The following RPTOR variants were observed in gnomAD, a reference collection of about 807,000 sequenced individuals.
RPTOR encodes regulatory-associated protein of mTOR.
In RPTOR, 21 loss-of-function variants were observed where a neutral mutation model predicts 169.9. That is an observed-to-expected ratio of 0.12 (90% confidence interval 0.09 to 0.18). The LOEUF is 0.18. Ranked by LOEUF, RPTOR falls within the 10% of genes least tolerant of loss-of-function variation. The pLI is 1.00. For synonymous variants in RPTOR, 732 were observed against 753.2 expected (o/e 0.97, Z 0.46); for missense variants, 1,133 against 1,855.9 (o/e 0.61, Z 7.16).
chr17:80,728,794 A>G (rs2066363241), intron 4 of RPTOR, among the ~76,000 whole-genome samples: 2 of 151,646 alleles, frequency 1.3e-5, no homozygotes, highest in African/African-American at 4.9e-5. Context: ...AATGGAAAAA[A>G]CCCAGAAGGT....
At chr17:80,602,338 A>C (rs1599592585) in intron 1 of RPTOR, among the ~76,000 whole-genome samples, 1 of 64,386 alleles carries the variant, frequency 1.6e-5, no homozygotes, top group Non-Finnish European at 3.1e-5. Flanking sequence ...GGCGCCCCTC[A>C]CCTCCCGGAC....
chr17:80,796,702 A>T (rs1164513397), intron 7 of RPTOR, among the ~76,000 whole-genome samples: 1 of 152,182 alleles, frequency 6.6e-6, no homozygotes, highest in Non-Finnish European at 1.5e-5. Flanking sequence ...AACTTCTTAA[A>T]GTGTGTGGAT....
Position 80,708,010 on chromosome 17 carries a change from C to A in RPTOR, c.507+11C>A. On this transcript the variant is annotated intron_variant, in intron 4 of 33. Coordinates refer to ENST00000306801, the MANE Select transcript of RPTOR (RefSeq NM_020761.3). This position sits in a 1 kb window ranked among gnomAD's most constrained non-coding sequence, Gnocchi z 4.2. ...TGGGTCTTCAACAAGGTGGGTGTGC[C>A]TTCCAGCTTCCTTCCCGTTTCTGCC... is the stretch of plus-strand genomic sequence containing the variant. 6.2e-7 allele frequency: 1 copy of A among 1,607,764 alleles called. No homozygotes were observed. The highest frequency in any genetic ancestry group is 2.2e-5 in the East Asian group (1 of 44,804).
chr17:80,672,414 T>A (rs2065828882), intron 3 of RPTOR, among the ~76,000 whole-genome samples: 1 of 150,856 alleles, frequency 6.6e-6, no homozygotes, highest in South Asian at 2.1e-4. Context: ...CCAAGATGGC[T>A]GCTCAAGCTC....
intron 3 of RPTOR, among the ~76,000 whole-genome samples, chr17:80,645,875 G>A (rs1377365105): frequency 6.6e-6 from 1 of 152,236 alleles, no homozygotes; most frequent in Non-Finnish European, 1.5e-5. Context: ...GAGCACAGGT[G>A]CAAAGGGGTG....
intron 1 of RPTOR, among the ~76,000 whole-genome samples, chr17:80,597,351 G>A (rs1054849623): frequency 2.6e-5 from 4 of 152,192 alleles, no homozygotes; most frequent in African/African-American, 9.7e-5. Flanking sequence ...CTGTGTGAGT[G>A]TCTGCATGGC....
At chr17:80,698,163 G>A (rs1417833943) in intron 3 of RPTOR, among the ~76,000 whole-genome samples, 7 of 152,164 alleles carry the variant, frequency 4.6e-5, no homozygotes, top group East Asian at 1.9e-4. Context: ...GGTGAGGAAC[G>A]GAGGCGACTG....
intron 6 of RPTOR, among the ~76,000 whole-genome samples, chr17:80,778,308 A>G (rs2066909914): frequency 6.6e-6 from 1 of 152,172 alleles, no homozygotes; most frequent in African/African-American, 2.4e-5. Flanking sequence ...GCTTCCCCTA[A>G]TCCTATGTTC....
chr17:80,962,292 C>G (rs529009558), intron 31 of RPTOR, among the ~76,000 whole-genome samples, 169 bp from the exon 32 acceptor site: 33 of 152,320 alleles, frequency 2.2e-4, no homozygotes, highest in Non-Finnish European at 3.8e-4. Flanking sequence ...TGTCTGGGCC[C>G]CACCTGGGCA....
chr17:80,778,217 C>A (rs2340772), intron 6 of RPTOR, among the ~76,000 whole-genome samples: 129,350 of 152,174 alleles, frequency 0.85, 55,536 homozygotes, highest in East Asian at 1. Context: ...TCTTGGGAGC[C>A]GCTGTTAGGA....
intron 21 of RPTOR, among the ~76,000 whole-genome samples, chr17:80,921,210 C>T (rs1180150296): frequency 6.6e-6 from 1 of 152,230 alleles, no homozygotes; most frequent in African/African-American, 2.4e-5. Flanking sequence ...CACGCGGATG[C>T]GGACCTGAAG....
At chr17:80,896,821 G>A (rs1429829820) in intron 20 of RPTOR, among the ~76,000 whole-genome samples, 2 of 152,232 alleles carry the variant, frequency 1.3e-5, no homozygotes, top group African/African-American at 4.8e-5. Flanking sequence ...CCTGAACAGG[G>A]TGTATCTTTC....
At chr17:80,883,570 G>C in intron 15 of RPTOR, 86 bp downstream of exon 15, 2 of 1,369,662 alleles carry the variant, frequency 1.5e-6, no homozygotes, top group Non-Finnish European at 2.1e-6. Context: ...GGTGCCACAT[G>C]GGGGACAGGG....
In RPTOR at chr17:80,964,607, T is replaced by C. The variant is rs2069401774; in HGVS notation, c.*277T>C. On this transcript the variant is annotated 3_prime_UTR_variant, in exon 34 of 34. Transcript: ENST00000306801. ...CCCGCGGCCACGGCGCCTCTGTCCC[T>C]CTCCTGTTCTGTGTTTCTCTGAGAC... 2.0e-6 allele frequency: 1 copy of C among 512,010 alleles called. No individual in the cohort carries two copies. Among genetic ancestry groups the C allele is most frequent in the Non-Finnish European group, 3.5e-6 (1 of 282,850 alleles). 31.7% of individuals were successfully genotyped at this position (512,010 alleles called of 1,614,324 possible).
At chr17:80,917,934 G>A (rs1028300777) in intron 21 of RPTOR, among the ~76,000 whole-genome samples, 5 of 152,156 alleles carry the variant, frequency 3.3e-5, no homozygotes, top group African/African-American at 7.2e-5. Flanking sequence ...ACCAAGCCAC[G>A]GGCGTGCACA....
At chr17:80,791,172 C>T (rs1488341470) in intron 6 of RPTOR, among the ~76,000 whole-genome samples, 1 of 152,210 alleles carries the variant, frequency 6.6e-6, no homozygotes, top group African/African-American at 2.4e-5. Flanking sequence ...CATCTCGGCG[C>T]TCCTCTCCAG....
At chr17:80,566,798 T>A (rs1599555728) in intron 1 of RPTOR, among the ~76,000 whole-genome samples, 1 of 116,434 alleles carries the variant, frequency 8.6e-6, no homozygotes, top group Non-Finnish European at 1.6e-5. Flanking sequence ...CACTCCAGCG[T>A]GGGCGACAGA....
chr17:80,806,344 A>C (rs2067218646), intron 7 of RPTOR, among the ~76,000 whole-genome samples: 1 of 152,238 alleles, frequency 6.6e-6, no homozygotes, highest in Non-Finnish European at 1.5e-5. Flanking sequence ...GCATTTTAAA[A>C]AAGAAGAAAA....
chr17:80,799,334 ATCTCGAGT>A (rs1255930968), intron 7 of RPTOR, among the ~76,000 whole-genome samples: 1 of 152,210 alleles, frequency 6.6e-6, no homozygotes, highest in Non-Finnish European at 1.5e-5. Flanking sequence ...CGTGTGTGAC[ATCTCGAGT>A]GACGCACATT....
Sources: gnomAD v4.1 joint callset for allele counts (sites outside exome capture counted in the v4.1 genomes callset) on GRCh38, gnomAD v4.1.1 for gene constraint, Gnocchi (gnomAD v3.1) non-coding constraint, MANE v1.5 for transcripts, NCBI Gene and HGNC (gene_info 2026-07-23, HGNC 2026-07-21) for gene names.